ROS1: variants seen among roughly 807,000 people sequenced by gnomAD.
The protein encoded by ROS1 is proto-oncogene tyrosine-protein kinase ROS.
In ROS1, 263 loss-of-function variants were observed where a neutral mutation model predicts 273.5. The ratio of observed to expected loss-of-function variants is 0.96; its 90% CI spans 0.87 to 1.06. ROS1 has a LOEUF of 1.06. Among genes scored for constraint, ROS1 ranks in the 50% least tolerant of loss-of-function variants. The probability of loss-of-function intolerance (pLI) is 0.00; values close to 1 mark genes in which losing one functional copy is unlikely to be tolerated. For synonymous variants in ROS1, 1,008 were observed against 954.1 expected (o/e 1.06, Z -1.04); for missense variants, 2,833 against 2,751.1 (o/e 1.03, Z -0.67).
chr6:117,313,898 C>T (rs774928122), intron 39 of ROS1, among the ~76,000 whole-genome samples: 5 of 152,090 alleles, frequency 3.3e-5, no homozygotes, highest in Non-Finnish European at 7.4e-5. Flanking sequence ...CAGCACCTAA[C>T]GATGTCTCTA....
At position 117,342,555 on chromosome 6, in the gene ROS1, T is replaced by A; in HGVS notation, c.4507-11A>T. The A allele has an allele frequency of 6.9e-7, 1 of 1,449,796 alleles. No homozygotes were observed. The highest frequency in any genetic ancestry group is 9.3e-7 in the Non-Finnish European group (1 of 1,078,060). 89.8% of individuals were successfully genotyped at this position (1,449,796 alleles called of 1,614,324 possible). A position where few individuals can be genotyped will look rare whatever the true frequency, so the allele number is the denominator to read the frequency against. On this transcript the variant is annotated splice_polypyrimidine_tract_variant and intron_variant, in intron 28 of 43. Coordinates refer to ENST00000368507, the MANE Select transcript of ROS1 (RefSeq NM_001378902.1). ...ACTGTCCTGAAATTCCTGTAATTGA[T>A]TTTTTAAAAATCAACATCTTATTTT...
intron 39 of ROS1, among the ~76,000 whole-genome samples, chr6:117,314,700 C>A (rs1775780259): frequency 6.6e-6 from 1 of 152,122 alleles, no homozygotes; most frequent in South Asian, 2.1e-4. Context: ...CCTCCAGCCC[C>A]CTCTAAACGC....
chr6:117,305,684 G>T (rs532962629), intron 42 of ROS1, among the ~76,000 whole-genome samples: 43 of 152,282 alleles, frequency 2.8e-4, no homozygotes, highest in African/African-American at 1.0e-3. Context: ...ACTGGCAATG[G>T]AATGAAATGA....
intron 23 of ROS1, 45 bp downstream of exon 23, chr6:117,360,297 C>CACACAT: frequency 7.0e-7 from 1 of 1,428,392 alleles, no homozygotes; most frequent in South Asian, 1.2e-5. Context: ...CACACACACA[C>CACACAT]ACGCCTCTAA....
chr6:117,377,763 T>C (rs1781454987), intron 18 of ROS1, among the ~76,000 whole-genome samples: 1 of 151,384 alleles, frequency 6.6e-6, no homozygotes, highest in South Asian at 2.1e-4. Flanking sequence ...AATAAGCAGA[T>C]AAACTAAACA....
At chr6:117,415,728 G>A (rs946400681) in intron 3 of ROS1, among the ~76,000 whole-genome samples, 1 of 152,044 alleles carries the variant, frequency 6.6e-6, no homozygotes, top group African/African-American at 2.4e-5. Flanking sequence ...AGGTGTTTAC[G>A]GCCCTGAGTT....
At chr6:117,325,915 C>T (rs1025955932) in intron 34 of ROS1, among the ~76,000 whole-genome samples, 9 of 151,550 alleles carry the variant, frequency 5.9e-5, no homozygotes, top group Non-Finnish European at 7.4e-5. Flanking sequence ...AATTATATGG[C>T]TGGATAGAAC....
Position 117,389,713 on chromosome 6 carries a change from G to A in ROS1, c.1423C>T (p.Arg475Ter), listed in dbSNP as rs370199384. The change falls in exon 13 of 44, where the codon CGA (arginine) becomes TGA (stop). Residue 475 changes from arginine to a stop codon, truncating the protein, a stop_gained. Coordinates refer to ENST00000368507, the MANE Select transcript of ROS1 (RefSeq NM_001378902.1). LOFTEE classifies it high-confidence loss of function. ...GCAGTGTCATTGAAGTAAATGATTC[G>A]CTTGGCTTGTGGCTTGATTGCAAAG... ...KDFAIKPQAK[R>*]IIYFNDTAQV... 15 of 1,614,030 alleles carry A rather than the reference G, an allele frequency of 9.3e-6. No homozygotes were observed. Among genetic ancestry groups the A allele is most frequent in the South Asian group, 7.7e-5 (7 of 91,080 alleles).
At position 117,356,656 on chromosome 6, in the gene ROS1, T is replaced by C. The variant is rs200679820; in HGVS notation, c.4099A>G (p.Arg1367Gly). The C allele has an allele frequency of 6.2e-7, 1 of 1,614,000 alleles. No individual in the cohort carries two copies. Among genetic ancestry groups the C allele is most frequent in the Admixed American group, 1.7e-5 (1 of 60,014 alleles). ...AMDLEGCQCW[R>G]VITVPAMLGK... ...AGCATAGCAGGTACTGTGATAACTC[T>C]CCAACACTGACAGCCTTCCAGATCC... Residue 1367 changes from arginine to glycine, a missense_variant, in exon 26 of 44, where the codon AGA becomes GGA. Coordinates refer to ENST00000368507, the MANE Select transcript of ROS1 (RefSeq NM_001378902.1).
At chr6:117,318,063 T>G in intron 38 of ROS1, 125 bp downstream of exon 38, 1 of 713,734 alleles carries the variant, frequency 1.4e-6, no homozygotes, top group Admixed American at 2.1e-5. Context: ...GTAGTTCCAT[T>G]TAAACGTTTC....
chr6:117,342,107 G>A (rs1777981837), intron 29 of ROS1, among the ~76,000 whole-genome samples: 1 of 152,078 alleles, frequency 6.6e-6, no homozygotes, highest in African/African-American at 2.4e-5. Context: ...TGAGTATCTG[G>A]AAAAAGTGAC....
At chr6:117,397,291 G>T (rs574271965) in intron 7 of ROS1, among the ~76,000 whole-genome samples, 175 bp from the exon 8 acceptor site, 1 of 151,782 alleles carries the variant, frequency 6.6e-6, no homozygotes, top group East Asian at 1.9e-4. Flanking sequence ...AAACCAGTTC[G>T]CTCCTTTCCC....
At chr6:117,391,435 G>T (rs1291443827) in intron 12 of ROS1, among the ~76,000 whole-genome samples, 1 of 152,158 alleles carries the variant, frequency 6.6e-6, no homozygotes, top group African/African-American at 2.4e-5. Context: ...GGAGGACAGA[G>T]TGAGGAGGAG....
Position 117,383,315 on chromosome 6 carries a change from AC to A in ROS1, c.2481+1del, listed in dbSNP as rs776861110. The A allele has an allele frequency of 2.5e-6, 4 of 1,609,192 alleles. No homozygotes were observed. The highest frequency in any genetic ancestry group is 1.1e-5 in the South Asian group (1 of 90,816). The stretch of plus-strand genomic sequence containing the variant: ...AAATGATCAGATCTTTTAATTTGTC[AC>A]CTTTTTCCCAGAAAACCAAGGCTGT... On this transcript the variant is annotated splice_donor_variant, in intron 17 of 43. Transcript: ENST00000368507. LOFTEE classifies it high-confidence loss of function.
intron 21 of ROS1, among the ~76,000 whole-genome samples, chr6:117,363,363 G>A (rs1034440323): frequency 2.0e-5 from 3 of 152,262 alleles, no homozygotes; most frequent in African/African-American, 7.2e-5. Context: ...AGAAAGTTTA[G>A]GGGAGGCTGA....
At chr6:117,392,755 T>A (rs1773167222) in intron 12 of ROS1, among the ~76,000 whole-genome samples, 1 of 152,200 alleles carries the variant, frequency 6.6e-6, no homozygotes, top group Non-Finnish European at 1.5e-5. Context: ...TCTCCTAAGG[T>A]GGAAGCTAGC....
At chr6:117,306,036 T>TTG (rs1440259057) in intron 42 of ROS1, among the ~76,000 whole-genome samples, 2 of 151,594 alleles carry the variant, frequency 1.3e-5, no homozygotes, top group African/African-American at 4.8e-5. Flanking sequence ...TCAAGTTTTT[T>TTG]TTTTTTTTTT....
intron 40 of ROS1, 38 bp downstream of exon 40, chr6:117,310,982 A>G (rs779917172): frequency 1.2e-5 from 15 of 1,296,368 alleles, no homozygotes; most frequent in Non-Finnish European, 1.5e-5. Context: ...TATTGTGCCA[A>G]TATCCGTAAT....
chr6:117,323,024 T>C (rs1776387346), intron 35 of ROS1, among the ~76,000 whole-genome samples: 1 of 152,148 alleles, frequency 6.6e-6, no homozygotes, highest in Admixed American at 6.5e-5. Context: ...TCCTTCCCAG[T>C]AGGAAAGCAG....
Sources: allele counts gnomAD v4.1 joint callset (sites outside exome capture counted in the v4.1 genomes callset), GRCh38; gene constraint gnomAD v4.1.1; transcripts MANE v1.5; gene names NCBI Gene and HGNC (gene_info 2026-07-23, HGNC 2026-07-21).